Variants in TRPC6 observed in about 807,000 individuals in gnomAD.
TRPC6 encodes transient receptor potential cation channel subfamily C member 6.
TRPC6 carries 55 observed loss-of-function variants against 90.7 expected under a neutral mutation model. The ratio of observed to expected loss-of-function variants is 0.61; its 90% confidence interval spans 0.49 to 0.76. TRPC6 has a LOEUF of 0.76. Among genes scored for constraint, TRPC6 ranks in the 30% least tolerant of loss-of-function variants. The pLI is 0.00. For missense variants in TRPC6, 989 were observed against 1,122.7 expected, an observed-to-expected ratio of 0.88 and a Z score of 1.70; for synonymous variants, 393 against 393.0, an observed-to-expected ratio of 1.00 and a Z score of 0.00.
chr11:101,552,937 T>C (rs2136845024), intron 1 of TRPC6, among the ~76,000 whole-genome samples: 1 of 152,236 alleles, frequency 6.6e-6, no homozygotes, highest in Non-Finnish European at 1.5e-5. Context: ...AGTGAAAATA[T>C]CATAACCAAT....
chr11:101,552,044 G>T (rs1189709710), intron 1 of TRPC6, among the ~76,000 whole-genome samples: 1 of 152,056 alleles, frequency 6.6e-6, no homozygotes, highest in Non-Finnish European at 1.5e-5. Flanking sequence ...CAGGAGGTTT[G>T]TGTCTTTTAT....
rs1862254374 is a variant in TRPC6, at chr11:101,583,554, G to T, written c.-51C>A. On this transcript the variant is annotated 5_prime_UTR_variant, in exon 1 of 13. Transcript: ENST00000344327. ...CCCCGCTCCCGGGGGAGCCGAGTGG[G>T]CAGTTCCAGCGGGGACCCGGTGCGG... 1.4e-6 allele frequency: 2 copies of T among 1,408,956 alleles called. No homozygotes were observed. The highest frequency in any genetic ancestry group is 1.8e-6 in the Non-Finnish European group (2 of 1,087,068). The allele number at this position is 1,408,956 out of a possible 1,614,324, so 87.3% of individuals were successfully genotyped here.
intron 1 of TRPC6, among the ~76,000 whole-genome samples, chr11:101,548,476 A>C (rs7945348): frequency 0.43 from 48,402 of 111,768 alleles, 9,115 homozygotes; most frequent in East Asian, 0.6. Flanking sequence ...ATATATATAT[A>C]TCTCTCTCTC....
rs765710491 is a variant in TRPC6, at chr11:101,472,344, A to G, written c.2010-12T>C. On this transcript the variant is annotated splice_polypyrimidine_tract_variant and intron_variant, in intron 7 of 12. Transcript: ENST00000344327. ...AACTCTCTTCAACTCTGGGGAAAAAATAACAGAAGAAAAGAAATAAGAAAG... is the reference window on the plus strand; with the variant it reads ...AACTCTCTTCAACTCTGGGGAAAAAGTAACAGAAGAAAAGAAATAAGAAAG... The G allele has an allele frequency of 2.1e-5, 34 of 1,609,082 alleles. No individual in the cohort carries two copies. The highest frequency in any genetic ancestry group is 2.6e-5 in the Non-Finnish European group (31 of 1,177,136).
intron 1 of TRPC6, among the ~76,000 whole-genome samples, chr11:101,520,680 C>T (rs1404924297): frequency 6.6e-6 from 1 of 152,120 alleles, no homozygotes; most frequent in African/African-American, 2.4e-5. Context: ...GACCAAAATG[C>T]TGATAGTGAT....
Position 101,491,405 on chromosome 11 carries a change from G to A in TRPC6, c.1128+151C>T, listed in dbSNP as rs878949775. The A allele has an allele frequency of 1.0e-4, 99 of 991,964 alleles. 1 individual carries two copies. The South Asian group carries it at 1.4e-3, about 14-fold the overall frequency. The allele number at this position is 991,964 out of a possible 1,614,324, so 61.4% of individuals were successfully genotyped here. ...GCCGAGATCGCACCACTGCACTCCAGACTGGGCGACAGAGCGAGACTCCAT... is the reference window on the plus strand; with the variant it reads ...GCCGAGATCGCACCACTGCACTCCAAACTGGGCGACAGAGCGAGACTCCAT... On this transcript the variant is annotated intron_variant, in intron 3 of 12. Transcript: ENST00000344327.
At chr11:101,463,970 G>A (rs1195726128) in intron 10 of TRPC6, among the ~76,000 whole-genome samples, 4 of 152,144 alleles carry the variant, frequency 2.6e-5, no homozygotes, top group Non-Finnish European at 5.9e-5. Flanking sequence ...TCTAAACACT[G>A]TTTTAAATGT....
chr11:101,583,740 C>A lies in TRPC6; in HGVS notation c.-237G>T. ...AAAGAGGATCTTGACCTGAGCAGGT[C>A]AGGCCGAGGAGACCCCGCGAGGATG... On this transcript the variant is annotated 5_prime_UTR_variant, in exon 1 of 13. The change abolishes the stop of an existing upstream ORF in the 5' untranslated region. Coordinates refer to ENST00000344327, the MANE Select transcript of TRPC6 (RefSeq NM_004621.6). 2.3e-6 allele frequency: 1 copy of A among 426,506 alleles called. No individual in the cohort carries two copies. The allele number at this position is 426,506 out of a possible 1,614,324, so 26.4% of individuals were successfully genotyped here. A position where few individuals can be genotyped will look rare whatever the true frequency, so the allele number is the denominator to read the frequency against.
intron 1 of TRPC6, among the ~76,000 whole-genome samples, chr11:101,528,844 G>A (rs555988391): frequency 9.2e-5 from 14 of 152,128 alleles, no homozygotes; most frequent in African/African-American, 2.4e-4. Flanking sequence ...TTAAGAATGC[G>A]TATGAAGAAA....
At chr11:101,548,360 TATC>T (rs1861364942) in intron 1 of TRPC6, among the ~76,000 whole-genome samples, 2 of 142,460 alleles carry the variant, frequency 1.4e-5, no homozygotes, top group Non-Finnish European at 3.0e-5. Context: ...TATATAATTA[TATC>T]TTATAATTAT....
chr11:101,479,749 A>C (rs1859501683), intron 5 of TRPC6, among the ~76,000 whole-genome samples: 1 of 152,270 alleles, frequency 6.6e-6, no homozygotes, highest in African/African-American at 2.4e-5. Context: ...AGTGTTAGCT[A>C]GTCTCTGAAG....
chr11:101,463,258 G>C (rs1859051766), intron 10 of TRPC6, among the ~76,000 whole-genome samples: 1 of 152,152 alleles, frequency 6.6e-6, no homozygotes. Context: ...AGGGATATTG[G>C]CCTGAAATTT....
In TRPC6 at chr11:101,453,130, AG is replaced by A. The variant is rs772695214; in HGVS notation, c.2645-25del. 3.2e-5 allele frequency: 48 copies of A among 1,495,772 alleles called. 1 individual carries two copies. The African/African-American group carries it at 5.0e-4, about 16-fold the overall frequency. 92.7% of individuals were successfully genotyped at this position (1,495,772 alleles called of 1,614,324 possible). A position where few individuals can be genotyped will look rare whatever the true frequency, so the allele number is the denominator to read the frequency against. ...CCCTTTGAAAGCAAGAGTGATAAGAAGTCAACTATAAATACGCAATGCGGAA... is the reference window on the plus strand; with the variant it reads ...CCCTTTGAAAGCAAGAGTGATAAGAATCAACTATAAATACGCAATGCGGAA... On this transcript the variant is annotated intron_variant, in intron 12 of 12. Coordinates refer to ENST00000344327, the MANE Select transcript of TRPC6 (RefSeq NM_004621.6).
Position 101,453,044 on chromosome 11 carries a change from A to AT in TRPC6, c.2706dup (p.Ser903IlefsTer12). 1.2e-6 allele frequency: 2 copies of AT among 1,613,792 alleles called. No homozygotes were observed. Among genetic ancestry groups the AT allele is most frequent in the Non-Finnish European group, 1.7e-6 (2 of 1,179,838 alleles). Reference sequence around the variant, plus strand: ...TCTGCTAGGTCTTCTGTATTCTGAGATTTTTCTTCAAGGAGTTCATAGCGG... The same window carrying AT: ...TCTGCTAGGTCTTCTGTATTCTGAGATTTTTTCTTCAAGGAGTTCATAGCGG... On this transcript the variant is annotated frameshift_variant, in exon 13 of 13. Transcript: ENST00000344327. LOFTEE classifies it high-confidence loss of function.
At chr11:101,540,198 C>A (rs1188881425) in intron 1 of TRPC6, among the ~76,000 whole-genome samples, 1 of 152,134 alleles carries the variant, frequency 6.6e-6, no homozygotes, top group Non-Finnish European at 1.5e-5. Flanking sequence ...CAATGGGGTA[C>A]ACACAGAGAA....
intron 10 of TRPC6, among the ~76,000 whole-genome samples, chr11:101,466,266 C>T (rs370080736): frequency 1.3e-5 from 2 of 152,146 alleles, no homozygotes; most frequent in East Asian, 1.9e-4. Context: ...TTTTCAGAGC[C>T]GCCAGGCAGG....
intron 1 of TRPC6, among the ~76,000 whole-genome samples, chr11:101,572,320 T>C (rs1861981199): frequency 6.6e-6 from 1 of 152,154 alleles, no homozygotes; most frequent in Non-Finnish European, 1.5e-5. Context: ...AACCATCTCA[T>C]GCTTGTTATA....
chr11:101,538,031 A>T (rs758027572), intron 1 of TRPC6, among the ~76,000 whole-genome samples: 4 of 152,006 alleles, frequency 2.6e-5, no homozygotes, highest in Non-Finnish European at 5.9e-5. Flanking sequence ...TTTTCCATAG[A>T]TCTCAATTAC....
chr11:101,482,818 G>T lies in TRPC6; in HGVS notation c.1510+131C>A, dbSNP rs1050053144. On this transcript the variant is annotated intron_variant, in intron 5 of 12. Transcript: ENST00000344327. ...GGCAACTGTACTTTAGGAACACAAAGAAAATTATGATGTGTGGTGCACTGT... is the reference window on the plus strand; with the variant it reads ...GGCAACTGTACTTTAGGAACACAAATAAAATTATGATGTGTGGTGCACTGT... 5 of 991,268 alleles carry T rather than the reference G, an allele frequency of 5.0e-6. No homozygotes were observed. In the Admixed American group the frequency reaches 7.8e-5, roughly 15 times the overall value. The allele number at this position is 991,268 out of a possible 1,614,324, so 61.4% of individuals were successfully genotyped here. A position where few individuals can be genotyped will look rare whatever the true frequency, so the allele number is the denominator to read the frequency against.
Sources: allele counts gnomAD v4.1 joint callset (sites outside exome capture counted in the v4.1 genomes callset), GRCh38; gene constraint gnomAD v4.1.1; transcripts MANE v1.5; gene names NCBI Gene and HGNC (gene_info 2026-07-23, HGNC 2026-07-21).